CCDC158: variants seen among roughly 807,000 people sequenced by gnomAD.
CCDC158 encodes the protein coiled-coil domain containing 158.
Under a neutral mutation model 138.6 loss-of-function variants are expected in CCDC158, and 116 were observed. The observed-to-expected ratio is 0.84, with a 90% CI of 0.72 to 0.98. The LOEUF is 0.98. Among genes scored for constraint, CCDC158 ranks in the 50% least tolerant of loss-of-function variants. CCDC158 has a pLI of 0.00. For synonymous variants in CCDC158, 436 were observed against 442.4 expected (o/e 0.99, Z 0.18); for missense variants, 1,265 against 1,306.1 (o/e 0.97, Z 0.48).
chr4:76,384,176 A>G lies in CCDC158; in HGVS notation c.638T>C (p.Leu213Pro), dbSNP rs745773500. The change falls in exon 6 of 25, where the codon CTG (leucine) becomes CCG (proline). Residue 213 changes from leucine (L) to proline (P), a missense_variant. Leu to Pro is a moderately conservative substitution (Grantham distance 98). Coordinates refer to ENST00000682701, the MANE Select transcript of CCDC158 (RefSeq NM_001394954.1). The stretch of plus-strand genomic sequence containing the variant: ...AGCTGAGCCCAAGCTGCGGAAGTGC[A>G]GAGTAGACATGCTGTCATGTTCACA... ...KICEHDSMST[L>P]HFRSLGSAIS... The G allele has an allele frequency of 4.3e-6, 7 of 1,614,150 alleles. No individual in the cohort carries two copies. The highest frequency in any genetic ancestry group is 5.9e-6 in the Non-Finnish European group (7 of 1,179,982).
intron 4 of CCDC158, among the ~76,000 whole-genome samples, chr4:76,384,933 A>T (rs1331792650): frequency 2.0e-5 from 3 of 152,216 alleles, no homozygotes; most frequent in Non-Finnish European, 4.4e-5. Flanking sequence ...CCAGCTCAAC[A>T]TGGAGATAGA....
Position 76,367,691 on chromosome 4 carries a change from C to A in CCDC158, c.1433G>T (p.Arg478Leu), listed in dbSNP as rs561723655. Residue 478 changes from arginine to leucine, a missense_variant, in exon 12 of 25, where the codon CGC becomes CTC. Arg to Leu is a moderately radical substitution (Grantham distance 102). Transcript: ENST00000682701. ...AQLESTKEMLRKVVEELTAKK... is the reference protein window; with the variant it reads ...AQLESTKEMLLKVVEELTAKK... ...GGCTGTCAACTCTTCTACTACTTTGCGCAGCATCTCTTTGGTGGATTCAAG... is the reference window on the plus strand; with the variant it reads ...GGCTGTCAACTCTTCTACTACTTTGAGCAGCATCTCTTTGGTGGATTCAAG... The A allele has an allele frequency of 6.2e-7, 1 of 1,614,072 alleles. No individual in the cohort carries two copies. The highest frequency in any genetic ancestry group is 8.5e-7 in the Non-Finnish European group (1 of 1,180,018).
intron 22 of CCDC158, 111 bp from the exon 23 acceptor site, chr4:76,326,126 CAG>C: frequency 1.2e-6 from 1 of 837,436 alleles, no homozygotes; most frequent in South Asian, 1.7e-5. Context: ...GGTGGAGGGA[CAG>C]GGGGACATTC....
chr4:76,411,030 G>A (rs1511820), intron 2 of CCDC158, among the ~76,000 whole-genome samples: 90,065 of 152,088 alleles, frequency 0.59, 27,838 homozygotes, highest in East Asian at 0.8. Context: ...TTCCTACATA[G>A]TAACTGCGGC....
At chr4:76,329,269 C>T (rs550434920) in intron 21 of CCDC158, among the ~76,000 whole-genome samples, 1 of 152,230 alleles carries the variant, frequency 6.6e-6, no homozygotes, top group South Asian at 2.1e-4. Context: ...CTAAGAGATG[C>T]AATCTTAATG....
In CCDC158 at chr4:76,351,110, G is replaced by A; in HGVS notation, c.2550C>T (p.Gly850=). The A allele has an allele frequency of 1.9e-6, 3 of 1,612,790 alleles. No homozygotes were observed. The highest frequency in any genetic ancestry group is 2.5e-6 in the Non-Finnish European group (3 of 1,179,300). The stretch of plus-strand genomic sequence containing the variant: ...ATGAAGAATTTGAGGTGTATCCAGG[G>A]CCCTGAAGTTCCTGGAAAACAATAT... ...QHTLDIKELQ[G]PGYTSNSSLK... Residue 850 remains glycine (G), a synonymous_variant, in exon 18 of 25, where the codon GGC becomes GGT. Transcript: ENST00000682701.
At chr4:76,418,730 A>C (rs529280496) in intron 1 of CCDC158, among the ~76,000 whole-genome samples, 3 of 152,212 alleles carry the variant, frequency 2.0e-5, no homozygotes, top group African/African-American at 7.2e-5. Flanking sequence ...CCCATGATTC[A>C]ATTACCTTCC....
chr4:76,328,931 A>C lies in CCDC158; in HGVS notation c.2979T>G (p.Asp993Glu), dbSNP rs939376388. 5.0e-6 allele frequency: 8 copies of C among 1,613,840 alleles called. No homozygotes were observed. Among genetic ancestry groups the C allele is most frequent in the African/African-American group, 2.7e-5 (2 of 74,920 alleles). ...ATGTGAATGTGAAGCAACCAGAGGG[A>C]TCTTCCCTGTCTCCTGCGTGTAATG... ...PVTLHAGDRE[D>E]PSGCFTFTSA... Residue 993 changes from aspartate (D) to glutamate (E), a missense_variant, in exon 22 of 25, where the codon GAT becomes GAG. Physicochemically the swap from Asp to Glu is conservative, Grantham distance 45. Transcript: ENST00000682701.
chr4:76,396,148 C>T, intron 4 of CCDC158, 121 bp downstream of exon 4: 2 of 597,476 alleles, frequency 3.3e-6, no homozygotes, highest in Non-Finnish European at 5.6e-6. Flanking sequence ...CAAATTTAAC[C>T]AATAAACCCA....
intron 3 of CCDC158, chr4:76,401,234 G>A (rs1158811317): frequency 5.2e-6 from 2 of 388,290 alleles, no homozygotes; most frequent in African/African-American, 4.2e-5. Flanking sequence ...TTCTTCGCCA[G>A]TAGCACTCCC....
At position 76,317,338 on chromosome 4, in the gene CCDC158, T is replaced by C. The variant is rs562425992; in HGVS notation, c.3278-4092A>G. On this transcript the variant is annotated intron_variant, in intron 24 of 24. Coordinates refer to ENST00000682701, the MANE Select transcript of CCDC158 (RefSeq NM_001394954.1). Reference sequence around the variant, plus strand: ...AAACGAACAGGGGTAGCTAGTCTTATATCAGACAAAACCCACTTTAAAGCA... The same window carrying C: ...AAACGAACAGGGGTAGCTAGTCTTACATCAGACAAAACCCACTTTAAAGCA... Among the ~76,000 whole-genome samples the C allele has an allele frequency of 1.7e-4, 26 of 152,220 alleles. 1 individual carries two copies. In the South Asian group the frequency reaches 5.4e-3, roughly 32 times the overall value.
chr4:76,381,692 T>G (rs1259938788), intron 8 of CCDC158, among the ~76,000 whole-genome samples: 1 of 152,162 alleles, frequency 6.6e-6, no homozygotes, highest in African/African-American at 2.4e-5. Flanking sequence ...TATATTTTTT[T>G]TATTTTTGAG....
At chr4:76,400,198 T>C (rs1264589073) in intron 3 of CCDC158, among the ~76,000 whole-genome samples, 3 of 151,934 alleles carry the variant, frequency 2.0e-5, no homozygotes, top group South Asian at 4.1e-4. Context: ...ATGTGGCACA[T>C]ATACACCATG....
At chr4:76,331,200 G>C in intron 21 of CCDC158, 144 bp downstream of exon 21, 1 of 653,028 alleles carries the variant, frequency 1.5e-6, no homozygotes. Context: ...GCAACTTGAG[G>C]ACAGAGCCCA....
At chr4:76,340,621 G>T (rs545464610) in intron 18 of CCDC158, among the ~76,000 whole-genome samples, 1 of 152,134 alleles carries the variant, frequency 6.6e-6, no homozygotes, top group Admixed American at 6.6e-5. Flanking sequence ...TGAGATTAGG[G>T]AGTAGACTGG....
chr4:76,339,924 C>A (rs1384402772), intron 18 of CCDC158, among the ~76,000 whole-genome samples: 1 of 152,222 alleles, frequency 6.6e-6, no homozygotes, highest in African/African-American at 2.4e-5. Context: ...CACGTCTTCT[C>A]TTATACACAG....
At chr4:76,375,427 C>T in intron 9 of CCDC158, 1 of 536,468 alleles carries the variant, frequency 1.9e-6, no homozygotes, top group South Asian at 2.8e-5. Context: ...AGGGATGCTA[C>T]AGGCCAGCAT....
intron 23 of CCDC158, 102 bp downstream of exon 23, chr4:76,325,755 A>G (rs1051628999): frequency 2.1e-6 from 2 of 947,508 alleles, no homozygotes; most frequent in East Asian, 5.0e-5. Context: ...GAGCTTACAC[A>G]TAAGAGCAGC....
chr4:76,328,981 A>G lies in CCDC158; in HGVS notation c.2943-14T>C. The G allele has an allele frequency of 6.2e-7, 1 of 1,606,972 alleles. No homozygotes were observed. Among genetic ancestry groups the G allele is most frequent in the South Asian group, 1.1e-5 (1 of 90,938 alleles). On this transcript the variant is annotated splice_polypyrimidine_tract_variant and intron_variant, in intron 21 of 24. Coordinates refer to ENST00000682701, the MANE Select transcript of CCDC158 (RefSeq NM_001394954.1). ...GTGACTGGCTCTCTGGAAGCATAAG[A>G]ATGGTAATGCAAGCATTCCATTTCA...
Sources: gnomAD v4.1 joint callset for allele counts (sites outside exome capture counted in the v4.1 genomes callset) on GRCh38, gnomAD v4.1.1 for gene constraint, MANE v1.5 for transcripts, NCBI Gene and HGNC (gene_info 2026-07-23, HGNC 2026-07-21) for gene names.